Variants in BCL2L1 observed in about 807,000 individuals in gnomAD.
BCL2L1 encodes bcl-2-like protein 1.
BCL2L1 carries 1 observed loss-of-function variant against 18.7 expected under a neutral mutation model. The ratio of observed to expected loss-of-function variants is 0.05; its 90% CI spans 0.02 to 0.25. The LOEUF is 0.25. BCL2L1 is among the 10% of genes least tolerant of loss of function. The pLI, the probability that BCL2L1 is intolerant of heterozygous loss-of-function variation, is 1.00. For synonymous variants in BCL2L1, 103 were observed against 122.7 expected, an observed-to-expected ratio of 0.84 and a Z score of 1.06; for missense variants, 207 against 304.9, an observed-to-expected ratio of 0.68 and a Z score of 2.39.
intron 2 of BCL2L1, among the ~76,000 whole-genome samples, chr20:31,719,216 A>G (rs1194542129): frequency 2.6e-5 from 4 of 152,224 alleles, no homozygotes; most frequent in Admixed American, 2.6e-4. Flanking sequence ...CACTGGTTGC[A>G]TAAGTAGAGG....
chr20:31,720,765 C>T (rs1350221498), intron 2 of BCL2L1: 1 of 985,324 alleles, frequency 1.0e-6, no homozygotes, highest in African/African-American at 1.7e-5. Context: ...AGAACTGGAA[C>T]TTATACCTGC....
intron 2 of BCL2L1, among the ~76,000 whole-genome samples, chr20:31,719,094 G>A (rs1051799412): frequency 2.6e-5 from 4 of 152,204 alleles, no homozygotes; most frequent in Non-Finnish European, 5.9e-5. Context: ...TTCCTTGGAA[G>A]GTTACTGTAG....
chr20:31,707,202 G>A (rs548859048), intron 2 of BCL2L1, among the ~76,000 whole-genome samples: 1 of 152,296 alleles, frequency 6.6e-6, no homozygotes, highest in African/African-American at 2.4e-5. Context: ...CCTTGTAGAG[G>A]AGGTAGGGGA....
chr20:31,707,619 A>G (rs2061388355), intron 2 of BCL2L1, among the ~76,000 whole-genome samples: 1 of 152,042 alleles, frequency 6.6e-6, no homozygotes, highest in Non-Finnish European at 1.5e-5. Context: ...TCTCTACTAA[A>G]AAAACAAAAT....
chr20:31,666,330 T>A (rs532339172), intron 2 of BCL2L1, among the ~76,000 whole-genome samples: 3 of 151,958 alleles, frequency 2.0e-5, no homozygotes, highest in Admixed American at 2.0e-4. Flanking sequence ...CTGAGGTAAG[T>A]CAAGAAGTAG....
chr20:31,675,743 C>A (rs2060748959), intron 2 of BCL2L1, among the ~76,000 whole-genome samples: 1 of 152,148 alleles, frequency 6.6e-6, no homozygotes, highest in Non-Finnish European at 1.5e-5. Flanking sequence ...CCACAGCAAG[C>A]CTTTTGGCTT....
chr20:31,704,917 T>G (rs2061347735), intron 2 of BCL2L1, among the ~76,000 whole-genome samples: 1 of 152,234 alleles, frequency 6.6e-6, no homozygotes, highest in South Asian at 2.1e-4. Flanking sequence ...ATGAGTTTTA[T>G]GAGTATTATG....
intron 2 of BCL2L1, chr20:31,686,182 G>A (rs772792615): frequency 1.3e-5 from 2 of 152,208 alleles, no homozygotes; most frequent in Non-Finnish European, 2.9e-5. Context: ...CCTCATGTGT[G>A]TTTAAAATTC....
At chr20:31,688,731 A>T (rs577417118) in intron 2 of BCL2L1, among the ~76,000 whole-genome samples, 4 of 152,194 alleles carry the variant, frequency 2.6e-5, no homozygotes, top group African/African-American at 9.7e-5. Context: ...CTATTCATTG[A>T]GTGTCACTAT....
chr20:31,683,769 CAAAAAAAAAAAAAAAAAAAAAAAA>C (rs372160646), intron 2 of BCL2L1, among the ~76,000 whole-genome samples: 3 of 80,668 alleles, frequency 3.7e-5, no homozygotes, highest in East Asian at 1.9e-3. Context: ...AACTCCATCT[CAAAAAAAAAAAAAAAAAAAAAAAA>C]AAAAAAAAAA....
intron 2 of BCL2L1, 112 bp from the exon 3 acceptor site, chr20:31,666,198 C>T: frequency 7.3e-7 from 1 of 1,367,190 alleles, no homozygotes; most frequent in Non-Finnish European, 1.0e-6. Context: ...AAACTGTAGC[C>T]ATCTGTGCCC....
chr20:31,710,044 C>T (rs1378671673), intron 2 of BCL2L1, among the ~76,000 whole-genome samples: 4 of 152,062 alleles, frequency 2.6e-5, no homozygotes, highest in South Asian at 2.1e-4. Context: ...TCCACATCTT[C>T]CTAAGACATA....
chr20:31,715,270 T>C (rs1173706876), intron 2 of BCL2L1, among the ~76,000 whole-genome samples: 1 of 124,048 alleles, frequency 8.1e-6, no homozygotes, highest in Non-Finnish European at 1.7e-5. Flanking sequence ...AGACTCTGTC[T>C]CAAAAAAAAA....
At chr20:31,671,392 C>A (rs2060666430) in intron 2 of BCL2L1, among the ~76,000 whole-genome samples, 1 of 152,138 alleles carries the variant, frequency 6.6e-6, no homozygotes, top group African/African-American at 2.4e-5. Flanking sequence ...AATGGCCCCA[C>A]ACTACATACT....
intron 2 of BCL2L1, among the ~76,000 whole-genome samples, chr20:31,675,627 T>C (rs1224439163): frequency 6.6e-6 from 1 of 151,842 alleles, no homozygotes; most frequent in East Asian, 1.9e-4. Flanking sequence ...GGCCTGGAGG[T>C]GGGCAACTTG....
At position 31,665,982 on chromosome 20, in the gene BCL2L1, C is replaced by A; in HGVS notation, c.669G>T (p.Val223=). The change falls in exon 3 of 3, where the codon GTG becomes GTT. Residue 223 remains valine, a synonymous_variant. Coordinates refer to ENST00000307677, the MANE Select transcript of BCL2L1 (RefSeq NM_138578.3). ...WFLTGMTVAG[V]VLLGSLFSRK is the part of the protein sequence containing the mutation. ...GACTGAAGAGTGAGCCCAGCAGAAC[C>A]ACGCCGGCCACAGTCATGCCCGTCA... 6.2e-7 allele frequency: 1 copy of A among 1,613,974 alleles called. No homozygotes were observed. The highest frequency in any genetic ancestry group is 8.5e-7 in the Non-Finnish European group (1 of 1,180,012).
intron 2 of BCL2L1, among the ~76,000 whole-genome samples, chr20:31,712,332 T>G (rs1012470093): frequency 6.6e-6 from 1 of 152,148 alleles, no homozygotes; most frequent in Non-Finnish European, 1.5e-5. Flanking sequence ...TTGCTTAACC[T>G]CTCTGTACCT....
rs3073682 is a variant in BCL2L1 at position 31,667,484 on chromosome 20, C to CGTGT, written c.565-1402_565-1399dup. ...AAAAAAAAAGGAAGTACCATAGTAC[C>CGTGT]GTGTGTGTGTGTGTGTGTGTGTGTG... On this transcript the variant is annotated intron_variant, in intron 2 of 2. Transcript: ENST00000307677. 1.9e-3 allele frequency among the ~76,000 whole-genome samples: 254 copies of CGTGT among 135,330 alleles called. 2 individuals carry two copies. The East Asian group carries it at 0.025, about 13-fold the overall frequency. 88.8% of individuals were successfully genotyped at this position (135,330 alleles called of 152,430 possible).
At chr20:31,684,584 T>A (rs1394252584) in intron 2 of BCL2L1, among the ~76,000 whole-genome samples, 2 of 152,066 alleles carry the variant, frequency 1.3e-5, no homozygotes, top group African/African-American at 2.4e-5. Context: ...GCACCACCAA[T>A]CCAGCTATAG....
Sources: gnomAD v4.1 joint callset for allele counts (sites outside exome capture counted in the v4.1 genomes callset) on GRCh38, gnomAD v4.1.1 for gene constraint, MANE v1.5 for transcripts, NCBI Gene and HGNC (gene_info 2026-07-23, HGNC 2026-07-21) for gene names.